Variants in SHANK2 observed in about 807,000 individuals in gnomAD.
SHANK2 encodes SH3 and multiple ankyrin repeat domains 2.
In SHANK2, 43 loss-of-function variants were observed where a neutral mutation model predicts 133.7. The observed-to-expected ratio is 0.32, with a 90% CI of 0.25 to 0.41. The LOEUF is 0.41. Among genes scored for constraint, SHANK2 ranks in the 10% least tolerant of loss-of-function variants. The pLI, the probability that SHANK2 is intolerant of heterozygous loss-of-function variation, is 1.00. For missense variants in SHANK2, 1,994 were observed against 2,235.8 expected (o/e 0.89, Z 2.18); for synonymous variants, 1,017 against 952.8 (o/e 1.07, Z -1.24).
chr11:70,884,002 C>T (rs969824123), intron 11 of SHANK2, among the ~76,000 whole-genome samples: 1 of 152,164 alleles, frequency 6.6e-6, no homozygotes. Flanking sequence ...AGGGTAGGAA[C>T]AGAGATCTGC....
chr11:71,249,064 C>G (rs548730332), intron 1 of SHANK2, among the ~76,000 whole-genome samples: 1 of 152,142 alleles, frequency 6.6e-6, no homozygotes, highest in Admixed American at 6.5e-5. Context: ...AATGACAGGC[C>G]TCTCATTTTG....
intron 23 of SHANK2, 198 bp downstream of exon 23, chr11:70,490,078 A>T: frequency 2.0e-6 from 1 of 507,120 alleles, no homozygotes; most frequent in Non-Finnish European, 3.7e-6. Flanking sequence ...GATGAGTTTC[A>T]TGCCACTCAG....
chr11:70,617,657 G>A lies in SHANK2; in HGVS notation c.2061+42171C>T, dbSNP rs186392518. ...GAGTTAACGGGAGAAGAAGGTGGCC[G>A]GAATGAGGGAAAGAGGCTTTCATGA... is the stretch of plus-strand genomic sequence containing the variant. On this transcript the variant is annotated intron_variant, in intron 17 of 25. Coordinates refer to ENST00000601538, the MANE Select transcript of SHANK2 (RefSeq NM_012309.5). Among the ~76,000 whole-genome samples, 16 of 152,288 alleles carry A rather than the reference G, an allele frequency of 1.1e-4. No individual in the cohort carries two copies. The East Asian group carries it at 2.9e-3, about 28-fold the overall frequency.
intron 25 of SHANK2, among the ~76,000 whole-genome samples, chr11:70,484,023 A>G (rs1555152372): frequency 6.6e-6 from 1 of 152,232 alleles, no homozygotes; most frequent in Non-Finnish European, 1.5e-5. Context: ...CAGCAGGGGT[A>G]TGGAGAGAGG....
chr11:70,504,671 G>A (rs909068439), intron 17 of SHANK2, among the ~76,000 whole-genome samples: 5 of 152,178 alleles, frequency 3.3e-5, no homozygotes, highest in Non-Finnish European at 7.3e-5. Flanking sequence ...CACCTACAGC[G>A]GCAGCGGTCT....
intron 10 of SHANK2, among the ~76,000 whole-genome samples, chr11:70,947,168 C>G (rs990057491): frequency 6.6e-6 from 1 of 150,624 alleles, no homozygotes; most frequent in Non-Finnish European, 1.5e-5. Context: ...CACACACACA[C>G]ACACACACAC....
intron 6 of SHANK2, among the ~76,000 whole-genome samples, chr11:71,100,675 T>C (rs557281230): frequency 2.0e-5 from 3 of 152,282 alleles, no homozygotes; most frequent in South Asian, 4.1e-4. Context: ...GAGACCATCC[T>C]GGTTAACACA....
At chr11:71,136,953 C>T (rs1952450925) in intron 3 of SHANK2, among the ~76,000 whole-genome samples, 1 of 152,232 alleles carries the variant, frequency 6.6e-6, no homozygotes, top group South Asian at 2.1e-4. Flanking sequence ...ACCTCCACCT[C>T]GCAGGTTCAA....
chr11:71,193,414 G>T (rs1187571678), intron 2 of SHANK2, among the ~76,000 whole-genome samples: 1 of 152,174 alleles, frequency 6.6e-6, no homozygotes, highest in African/African-American at 2.4e-5. Context: ...GCTCCACTAC[G>T]ATCAGCAGAG....
chr11:71,214,264 C>T (rs1483240855), intron 2 of SHANK2, among the ~76,000 whole-genome samples: 3 of 152,180 alleles, frequency 2.0e-5, no homozygotes, highest in Non-Finnish European at 4.4e-5. Context: ...CACTCAGCCA[C>T]CTCCATCAGT....
At chr11:71,182,874 G>A (rs968490739) in intron 2 of SHANK2, among the ~76,000 whole-genome samples, 5 of 152,090 alleles carry the variant, frequency 3.3e-5, no homozygotes, top group East Asian at 1.9e-4. Flanking sequence ...CTCCCACAGC[G>A]TGCCCCACCA....
At position 70,659,950 on chromosome 11, in the gene SHANK2, C is replaced by T; in HGVS notation, c.1939G>A (p.Asp647Asn). 6.2e-7 allele frequency: 1 copy of T among 1,614,190 alleles called. No individual in the cohort carries two copies. The highest frequency in any genetic ancestry group is 8.5e-7 in the Non-Finnish European group (1 of 1,180,026). Residue 647 changes from aspartate to asparagine, a missense_variant and splice_region_variant, in exon 17 of 26, where the codon GAC becomes AAC. Asp to Asn is a conservative substitution (Grantham distance 23). Around this residue, in one of 5 missense-constraint regions of SHANK2, gnomAD observed 14 missense variants for 42.4 expected, o/e 0.33. Transcript: ENST00000601538. ...GGTGTGAATTCTTCAATGGGTGTGT[C>T]AGCTGGGAAGACAAGCAGCACCTGG... is the stretch of plus-strand genomic sequence containing the variant. ...FGFVLRGAKA[D>N]TPIEEFTPTP...
chr11:70,792,384 C>T (rs1358294099), intron 14 of SHANK2, among the ~76,000 whole-genome samples: 1 of 142,090 alleles, frequency 7.0e-6, no homozygotes, highest in African/African-American at 2.7e-5. Flanking sequence ...ACCAACCAAC[C>T]AGCCAACCAG....
At chr11:71,062,082 A>G (rs1013738945) in intron 9 of SHANK2, among the ~76,000 whole-genome samples, 3 of 150,194 alleles carry the variant, frequency 2.0e-5, no homozygotes, top group Non-Finnish European at 4.4e-5. Flanking sequence ...CAGCCTCTCA[A>G]GTAGCTAGGA....
intron 15 of SHANK2, 163 bp from the exon 16 acceptor site, chr11:70,661,841 C>A: frequency 6.3e-7 from 1 of 1,599,990 alleles, no homozygotes. Flanking sequence ...GCAGGAGGAG[C>A]GAAGGAAGAG....
At chr11:71,219,422 A>C (rs1263689230) in intron 2 of SHANK2, among the ~76,000 whole-genome samples, 2 of 152,216 alleles carry the variant, frequency 1.3e-5, no homozygotes, top group African/African-American at 4.8e-5. Context: ...ACAATCCAAC[A>C]ACTCAAAAAT....
intron 11 of SHANK2, among the ~76,000 whole-genome samples, chr11:70,854,431 G>T (rs1477304822): frequency 6.6e-6 from 1 of 152,186 alleles, no homozygotes; most frequent in Non-Finnish European, 1.5e-5. Context: ...AAAGTTGAGA[G>T]CTTGAGCAAC....
Position 70,486,515 on chromosome 11 carries a change from C to T in SHANK2, c.3778G>A (p.Gly1260Ser), listed in dbSNP as rs2058808265. 6.2e-7 allele frequency: 1 copy of T among 1,614,154 alleles called. No homozygotes were observed. The highest frequency in any genetic ancestry group is 1.1e-5 in the South Asian group (1 of 91,086). The change falls in exon 25 of 26, where the codon GGC becomes AGC. Residue 1260 changes from glycine (G) to serine (S), a missense_variant. By Grantham distance (56) the Gly-to-Ser change is moderately conservative. Around this residue, in one of 5 missense-constraint regions of SHANK2, gnomAD observed 797 missense variants for 907.4 expected, o/e 0.88. Coordinates refer to ENST00000601538, the MANE Select transcript of SHANK2 (RefSeq NM_012309.5). The surrounding 1 kb of genome is among the most constrained non-coding windows in gnomAD (Gnocchi z 8.0). The part of the protein sequence containing the change: ...DTKMRPSLDA[G>S]FPTVTRQNTR... ...TTCTGCCTGGTGACCGTAGGGAAGC[C>T]GGCATCCAGGCTGGGCCGCATTTTG...
intron 12 of SHANK2, among the ~76,000 whole-genome samples, chr11:70,815,623 C>T (rs1007320291): frequency 7.2e-5 from 11 of 152,316 alleles, no homozygotes; most frequent in African/African-American, 1.2e-4. Flanking sequence ...AGGGCAGCTT[C>T]GAACCAGGGT....
Sources: gnomAD v4.1 joint callset for allele counts (sites outside exome capture counted in the v4.1 genomes callset) on GRCh38, gnomAD v4.1.1 for gene constraint, gnomAD v4.1.1 regional missense constraint, Gnocchi (gnomAD v3.1) non-coding constraint, MANE v1.5 for transcripts, NCBI Gene and HGNC (gene_info 2026-07-23, HGNC 2026-07-21) for gene names.